Variants in DNASE2B observed in about 807,000 individuals in gnomAD.
DNASE2B encodes deoxyribonuclease 2 beta, also known as deoxyribonuclease-2-beta.
A neutral mutation model predicts 46.0 loss-of-function variants in DNASE2B; 43 were observed. The ratio of observed to expected loss-of-function variants is 0.94; its 90% CI spans 0.73 to 1.21. The LOEUF (loss-of-function observed/expected upper bound fraction) is 1.21. DNASE2B is among the 50% of genes most tolerant of loss of function. The pLI, the probability that DNASE2B is intolerant of heterozygous loss-of-function variation, is 0.00. For synonymous variants in DNASE2B, 156 were observed against 152.5 expected (o/e 1.02, Z -0.17); for missense variants, 395 against 414.4 (o/e 0.95, Z 0.41).
rs764516613 is a variant in DNASE2B at position 84,408,471 on chromosome 1, G to T, written c.338G>T (p.Gly113Val). ...NNTAYLIYNDGVPKPVNYSRK... is the reference protein window; with the variant it reads ...NNTAYLIYNDVVPKPVNYSRK... ...ACAGCCTATCTAATATACAATGATGGAGTCCCTAAACCTGTGAATTACAGC... is the reference window on the plus strand; with the variant it reads ...ACAGCCTATCTAATATACAATGATGTAGTCCCTAAACCTGTGAATTACAGC... Residue 113 changes from glycine to valine, a missense_variant, in exon 3 of 6, where the codon GGA (glycine) becomes GTA (valine). By Grantham distance (109) the Gly-to-Val change is moderately radical. Transcript: ENST00000370665. 2 of 1,611,500 alleles carry T rather than the reference G, an allele frequency of 1.2e-6. No homozygotes were observed. The highest frequency in any genetic ancestry group is 1.7e-6 in the Non-Finnish European group (2 of 1,178,532).
At chr1:84,408,540 T>C in intron 3 of DNASE2B, 22 bp downstream of exon 3, 2 of 1,599,448 alleles carry the variant, frequency 1.3e-6, no homozygotes, top group Non-Finnish European at 1.7e-6. Flanking sequence ...ATTCTTGGTT[T>C]CTCTTTCCTA....
At position 84,408,514 on chromosome 1, in the gene DNASE2B, C is replaced by T. The variant is rs1219479139; in HGVS notation, c.381C>T (p.Thr127=). The part of the protein sequence containing the change: ...PVNYSRKYGH[T]KGLLLWNRVQ... ...ATTACAGCAGAAAGTATGGACACAC[C>T]AAAGGTATGACAAAGATTCTTGGTT... The change falls in exon 3 of 6, where the codon ACC becomes ACT. Residue 127 remains threonine, a synonymous_variant. Transcript: ENST00000370665. 5 of 1,607,366 alleles carry T rather than the reference C, an allele frequency of 3.1e-6. No individual in the cohort carries two copies. The highest frequency in any genetic ancestry group is 4.2e-6 in the Non-Finnish European group (5 of 1,176,940).
At chr1:84,401,266 G>A (rs543496846) in intron 1 of DNASE2B, among the ~76,000 whole-genome samples, 6 of 152,252 alleles carry the variant, frequency 3.9e-5, no homozygotes, top group African/African-American at 9.6e-5. Flanking sequence ...AAGAATGATC[G>A]GCTGAAAATG....
chr1:84,412,152 T>C (rs148154200), intron 4 of DNASE2B, among the ~76,000 whole-genome samples, 197 bp from the exon 5 acceptor site: 2,960 of 152,328 alleles, frequency 0.019, 55 homozygotes, highest in Non-Finnish European at 0.028. Flanking sequence ...TGTAGGACCA[T>C]GTCTGGAAAC....
At chr1:84,408,331 T>G (rs1217787679) in intron 2 of DNASE2B, 106 bp from the exon 3 acceptor site, 1 of 1,370,202 alleles carries the variant, frequency 7.3e-7, no homozygotes, top group Non-Finnish European at 9.5e-7. Context: ...ACTTCTCATG[T>G]GTATTAATGA....
Position 84,412,457 on chromosome 1 carries a change from C to T in DNASE2B, c.656C>T (p.Ser219Leu). Residue 219 changes from serine (S) to leucine (L), a missense_variant, in exon 5 of 6, where the codon TCA becomes TTA. Coordinates refer to ENST00000370665, the MANE Select transcript of DNASE2B (RefSeq NM_021233.3). ...CAGCTGTGCACCAGGGCCAGCTCAT[C>T]AGAGATTCCTGGCAGGCTCCTCACC... is the stretch of plus-strand genomic sequence containing the variant. ...MPQLCTRASS[S>L]EIPGRLLTTL... 2 of 1,613,994 alleles carry T rather than the reference C, an allele frequency of 1.2e-6. No homozygotes were observed. The highest frequency in any genetic ancestry group is 1.1e-5 in the South Asian group (1 of 91,048).
At chr1:84,412,661 A>C (rs1680621958) in intron 5 of DNASE2B, 115 bp downstream of exon 5, 1 of 1,104,170 alleles carries the variant, frequency 9.1e-7, no homozygotes, top group African/African-American at 1.6e-5. Flanking sequence ...AAAAGGGAGC[A>C]AAAGAAAAGG....
rs185414103 is a variant in DNASE2B, at chr1:84,405,033, C to T, written c.303+2955C>T. ...AAACCTGCTCAGGAAGAAATTATTTCCCCTCAATGATTTTCTTGATGGCAT... is the reference window on the plus strand; with the variant it reads ...AAACCTGCTCAGGAAGAAATTATTTTCCCTCAATGATTTTCTTGATGGCAT... On this transcript the variant is annotated intron_variant, in intron 2 of 5. Transcript: ENST00000370665. Among the ~76,000 whole-genome samples the T allele has an allele frequency of 1.1e-4, 17 of 152,246 alleles. No individual in the cohort carries two copies. The East Asian group carries it at 3.3e-3, about 29-fold the overall frequency.
rs1271792559 is a variant in DNASE2B at position 84,401,935 on chromosome 1, A to G, written c.160A>G (p.Lys54Glu). The change falls in exon 2 of 6, where the codon AAG (lysine) becomes GAG (glutamate). Residue 54 changes from lysine (K) to glutamate (E), a missense_variant. By Grantham distance (56) the Lys-to-Glu change is moderately conservative (BLOSUM62 1). Transcript: ENST00000370665. The part of the protein sequence containing the change: ...TFYKLPKRQN[K>E]ESGETGLEYL... The stretch of plus-strand genomic sequence containing the variant: ...TTATAAGTTACCTAAAAGACAAAAC[A>G]AGGAAAGTGGAGAGACTGGGTTAGA... 8 of 1,550,832 alleles carry G rather than the reference A, an allele frequency of 5.2e-6. No homozygotes were observed. Among genetic ancestry groups the G allele is most frequent in the African/African-American group, 2.8e-5 (2 of 71,754 alleles).
rs761215984 is a variant in DNASE2B, at chr1:84,410,983, C to T, written c.531C>T (p.Asn177=). The T allele has an allele frequency of 5.0e-6, 8 of 1,609,996 alleles. No homozygotes were observed. Among genetic ancestry groups the T allele is most frequent in the Admixed American group, 3.4e-5 (2 of 59,442 alleles). The part of the protein sequence containing the change: ...QSGICITFKY[N]QYEAIDSQLL... ...GCATCTGCATAACTTTCAAGTACAACCAGTATGAGGCAATAGGTAAAACTA... is the reference window on the plus strand; with the variant it reads ...GCATCTGCATAACTTTCAAGTACAATCAGTATGAGGCAATAGGTAAAACTA... Residue 177 remains asparagine (N), a synonymous_variant, in exon 4 of 6, where the codon AAC becomes AAT. Coordinates refer to ENST00000370665, the MANE Select transcript of DNASE2B (RefSeq NM_021233.3).
chr1:84,398,784 C>T (rs1260732714), intron 1 of DNASE2B, 95 bp downstream of exon 1: 1 of 1,502,992 alleles, frequency 6.7e-7, no homozygotes, highest in Non-Finnish European at 9.0e-7. Flanking sequence ...AATGTCCATT[C>T]TCTTTCCTCC....
At chr1:84,403,105 G>A (rs931566902) in intron 2 of DNASE2B, among the ~76,000 whole-genome samples, 1 of 152,188 alleles carries the variant, frequency 6.6e-6, no homozygotes, top group Admixed American at 6.5e-5. Context: ...CATGTGATGT[G>A]CCAAGCACTT....
Position 84,408,456 on chromosome 1 carries a change from T to A in DNASE2B, c.323T>A (p.Leu108Gln), listed in dbSNP as rs1680530389. The A allele has an allele frequency of 6.2e-7, 1 of 1,611,200 alleles. No homozygotes were observed. Among genetic ancestry groups the A allele is most frequent in the African/African-American group, 1.3e-5 (1 of 74,802 alleles). ...YASKSNNTAY[L>Q]IYNDGVPKPV... is the part of the protein sequence containing the mutation. ...CTGCAGAGTAACAACACAGCCTATC[T>A]AATATACAATGATGGAGTCCCTAAA... Residue 108 changes from leucine to glutamine, a missense_variant, in exon 3 of 6, where the codon CTA becomes CAA. Transcript: ENST00000370665.
intron 2 of DNASE2B, among the ~76,000 whole-genome samples, chr1:84,402,600 G>C (rs936671078): frequency 6.6e-6 from 1 of 152,148 alleles, no homozygotes; most frequent in Non-Finnish European, 1.5e-5. Context: ...GAACTAACTT[G>C]TCTGGATGGA....
intron 3 of DNASE2B, 102 bp from the exon 4 acceptor site, chr1:84,410,736 C>A (rs2101852565): frequency 9.2e-7 from 1 of 1,090,878 alleles, no homozygotes; most frequent in Non-Finnish European, 1.3e-6. Flanking sequence ...TAATAAAACA[C>A]TAGTCTGAAG....
At chr1:84,410,703 C>A in intron 3 of DNASE2B, 135 bp from the exon 4 acceptor site, 1 of 839,038 alleles carries the variant, frequency 1.2e-6, no homozygotes, top group Non-Finnish European at 1.8e-6. Flanking sequence ...GAAAAATAAG[C>A]ATGATCCTTG....
At chr1:84,404,707 A>G (rs1485808183) in intron 2 of DNASE2B, among the ~76,000 whole-genome samples, 1 of 152,228 alleles carries the variant, frequency 6.6e-6, no homozygotes, top group African/African-American at 2.4e-5. Context: ...CTTACTGGCA[A>G]GGTACCTTCT....
At chr1:84,406,414 G>A (rs544647415) in intron 2 of DNASE2B, among the ~76,000 whole-genome samples, 1 of 152,160 alleles carries the variant, frequency 6.6e-6, no homozygotes, top group Non-Finnish European at 1.5e-5. Flanking sequence ...AGGTGCAAAG[G>A]TAGCCCCACA....
At chr1:84,401,173 G>A (rs989666840) in intron 1 of DNASE2B, among the ~76,000 whole-genome samples, 1 of 152,274 alleles carries the variant, frequency 6.6e-6, no homozygotes, top group East Asian at 1.9e-4. Context: ...AGATAATTTT[G>A]ATTGTCACAA....
Sources: allele counts gnomAD v4.1 joint callset (sites outside exome capture counted in the v4.1 genomes callset), GRCh38; gene constraint gnomAD v4.1.1; transcripts MANE v1.5; gene names NCBI Gene and HGNC (gene_info 2026-07-23, HGNC 2026-07-21).